Variants in PDE7B observed in about 807,000 individuals in gnomAD.
PDE7B encodes 3',5'-cyclic-AMP phosphodiesterase 7B.
A neutral mutation model predicts 56.2 loss-of-function variants in PDE7B; 29 were observed. The ratio of observed to expected loss-of-function variants is 0.52; its 90% CI spans 0.38 to 0.70. The LOEUF (loss-of-function observed/expected upper bound fraction) is 0.70. Among genes scored for constraint, PDE7B ranks in the 30% least tolerant of loss-of-function variants. The probability of loss-of-function intolerance (pLI) is 0.00; values close to 1 mark genes in which losing one functional copy is unlikely to be tolerated. For missense variants in PDE7B, 490 were observed against 565.0 expected, an observed-to-expected ratio of 0.87 and a Z score of 1.35; for synonymous variants, 197 against 196.9, an observed-to-expected ratio of 1.00 and a Z score of 0.00.
intron 2 of PDE7B, among the ~76,000 whole-genome samples, chr6:136,050,104 C>T (rs893164162): frequency 2.6e-5 from 4 of 152,116 alleles, no homozygotes; most frequent in South Asian, 2.1e-4. Flanking sequence ...ACCCTGAAGC[C>T]GCTCAACTCC....
At chr6:135,978,166 C>A (rs1242880398) in intron 2 of PDE7B, among the ~76,000 whole-genome samples, 1 of 152,090 alleles carries the variant, frequency 6.6e-6, no homozygotes, top group Non-Finnish European at 1.5e-5. Context: ...TGTGCTCTAG[C>A]CTATTGCTCG....
chr6:136,063,746 T>C (rs745380026), intron 2 of PDE7B, among the ~76,000 whole-genome samples: 25 of 152,200 alleles, frequency 1.6e-4, no homozygotes, highest in Non-Finnish European at 2.5e-4. Context: ...TATTCACTGT[T>C]ACTTCTGCCT....
In PDE7B at chr6:135,960,715, T is replaced by C. The variant is rs563995767; in HGVS notation, c.82+13191T>C. Among the ~76,000 whole-genome samples the C allele has an allele frequency of 6.6e-5, 10 of 152,268 alleles. No individual in the cohort carries two copies. In the South Asian group the frequency reaches 2.1e-3, roughly 32 times the overall value. On this transcript the variant is annotated intron_variant, in intron 2 of 12. Coordinates refer to ENST00000308191, the MANE Select transcript of PDE7B (RefSeq NM_018945.4). ...ACAAAACCACATGGATGAAAACAGA[T>C]AGTTTCCCTCGTACCGCCTCCTAGA...
chr6:136,195,455 G>GAAAAAAAAAAAAAAAAAAAAAA lies in PDE7B; in HGVS notation c.*3616_*3637dup. ...CATTTTGTATACACATGTGAGGTTT[G>GAAAAAAAAAAAAAAAAAAAAAA]AAAAAAAAAAAAAAAAAAAAAAGAA... On this transcript the variant is annotated 3_prime_UTR_variant, in exon 13 of 13. Transcript: ENST00000308191. 1.4e-5 allele frequency: 1 copy of GAAAAAAAAAAAAAAAAAAAAAA among 68,974 alleles called. No individual in the cohort carries two copies. Among genetic ancestry groups the GAAAAAAAAAAAAAAAAAAAAAA allele is most frequent in the African/African-American group, 4.3e-5 (1 of 23,282 alleles). 4.3% of individuals were successfully genotyped at this position (68,974 alleles called of 1,614,324 possible).
chr6:136,181,414 A>G, intron 11 of PDE7B, 91 bp downstream of exon 11: 1 of 804,668 alleles, frequency 1.2e-6, no homozygotes, highest in Non-Finnish European at 2.2e-6. Context: ...ATCTATCATG[A>G]CATTTGTTCT....
At chr6:135,903,826 T>G (rs1247811346) in intron 1 of PDE7B, among the ~76,000 whole-genome samples, 2 of 152,234 alleles carry the variant, frequency 1.3e-5, no homozygotes, top group African/African-American at 4.8e-5. Flanking sequence ...TTCATGAGCA[T>G]GTACAGAAAT....
chr6:136,187,176 CAAAGA>C lies in PDE7B; in HGVS notation c.1126+66_1126+70del, dbSNP rs1183507806. The C allele has an allele frequency of 2.9e-5, 25 of 852,964 alleles. No individual in the cohort carries two copies. In the East Asian group the frequency reaches 5.6e-4, roughly 19 times the overall value. 52.8% of individuals were successfully genotyped at this position (852,964 alleles called of 1,614,324 possible). A position where few individuals can be genotyped will look rare whatever the true frequency, so the allele number is the denominator to read the frequency against. On this transcript the variant is annotated intron_variant, in intron 12 of 12. Transcript: ENST00000308191. ...CCTTTGGCACATCTCACAAAAGTGA[CAAAGA>C]AAAGATCTAAACACAGCTTTCAAAA...
intron 3 of PDE7B, among the ~76,000 whole-genome samples, chr6:136,121,902 G>T (rs1258954179): frequency 6.6e-6 from 1 of 152,156 alleles, no homozygotes; most frequent in Admixed American, 6.5e-5. Context: ...TTGGAGGGAC[G>T]GTAATCAGAA....
chr6:136,058,682 C>T (rs565224256), intron 2 of PDE7B, among the ~76,000 whole-genome samples: 57 of 152,128 alleles, frequency 3.7e-4, no homozygotes, highest in African/African-American at 1.3e-3. Context: ...AACTGGTATC[C>T]TTCTGTGCTG....
In PDE7B at chr6:136,154,107, C is replaced by T; in HGVS notation, c.511C>T (p.Pro171Ser). 6.2e-7 allele frequency: 1 copy of T among 1,613,822 alleles called. No homozygotes were observed. Among genetic ancestry groups the T allele is most frequent in the Non-Finnish European group, 8.5e-7 (1 of 1,179,836 alleles). Residue 171 changes from proline to serine, a missense_variant, in exon 7 of 13, where the codon CCG becomes TCG. Physicochemically the swap from Pro to Ser is moderately conservative, Grantham distance 74. Transcript: ENST00000308191. ...TCAAGAAGATTACCACAGCCAAAAC[C>T]CGTATCACAATGCTGTTCACGCAGC... ...MVQEDYHSQN[P>S]YHNAVHAADV...
At chr6:136,152,085 G>C (rs1433474788) in intron 6 of PDE7B, among the ~76,000 whole-genome samples, 1 of 152,178 alleles carries the variant, frequency 6.6e-6, no homozygotes, top group Non-Finnish European at 1.5e-5. Context: ...GGAGGGGTTG[G>C]TCTTCCTGTC....
At chr6:135,887,628 G>A (rs1312848729) in intron 1 of PDE7B, among the ~76,000 whole-genome samples, 3 of 152,028 alleles carry the variant, frequency 2.0e-5, no homozygotes, top group Non-Finnish European at 4.4e-5. Flanking sequence ...TTTGTCCTTA[G>A]TAGTTACCCA....
At chr6:136,118,192 A>G (rs1178705766) in intron 3 of PDE7B, among the ~76,000 whole-genome samples, 2 of 151,922 alleles carry the variant, frequency 1.3e-5, no homozygotes, top group Non-Finnish European at 2.9e-5. Flanking sequence ...GCATCTGTTC[A>G]CCCTTCAAGC....
At chr6:136,161,981 T>C (rs894628906) in intron 8 of PDE7B, 2 of 152,154 alleles carry the variant, frequency 1.3e-5, no homozygotes, top group Non-Finnish European at 2.9e-5. Flanking sequence ...TAAATAGTGT[T>C]AACAGAATCC....
chr6:135,970,862 T>C (rs997253862), intron 2 of PDE7B, among the ~76,000 whole-genome samples: 1 of 152,112 alleles, frequency 6.6e-6, no homozygotes, highest in African/African-American at 2.4e-5. Flanking sequence ...GTAGAGCTGA[T>C]AATATTTGCC....
intron 1 of PDE7B, among the ~76,000 whole-genome samples, chr6:135,907,664 T>C (rs1190919149): frequency 6.6e-6 from 1 of 152,168 alleles, no homozygotes; most frequent in Non-Finnish European, 1.5e-5. Context: ...AGTTAGACAA[T>C]GTAATTTTAA....
intron 2 of PDE7B, among the ~76,000 whole-genome samples, chr6:135,993,968 C>T (rs1051902400): frequency 2.0e-5 from 3 of 152,164 alleles, no homozygotes; most frequent in Non-Finnish European, 4.4e-5. Context: ...TAATAAACAA[C>T]AGCAGCCTGA....
intron 2 of PDE7B, among the ~76,000 whole-genome samples, chr6:136,003,104 G>C (rs12349378): frequency 0.013 from 2,020 of 152,158 alleles, 51 homozygotes; most frequent in African/African-American, 0.045. Flanking sequence ...AATGACTACT[G>C]GGTACATAAC....
At position 135,877,742 on chromosome 6, in the gene PDE7B, C is replaced by G. The variant is rs367838084; in HGVS notation, c.21+25723C>G. ...GGAAGTACACAGACCTCCAGGAAAA[C>G]AAAACAAAACAAAAAAAAAAAAAAA... On this transcript the variant is annotated intron_variant, in intron 1 of 12. Transcript: ENST00000308191. Among the ~76,000 whole-genome samples, 12 of 81,156 alleles carry G rather than the reference C, an allele frequency of 1.5e-4. No individual in the cohort carries two copies. In the East Asian group the frequency reaches 3.8e-3, roughly 26 times the overall value. The allele number at this position is 81,156 out of a possible 152,430, so 53.2% of individuals were successfully genotyped here.
Sources: allele counts gnomAD v4.1 joint callset (sites outside exome capture counted in the v4.1 genomes callset), GRCh38; gene constraint gnomAD v4.1.1; transcripts MANE v1.5; gene names NCBI Gene and HGNC (gene_info 2026-07-23, HGNC 2026-07-21).